The following KLHL36 variants were observed in gnomAD, a reference collection of about 807,000 sequenced individuals.
The protein encoded by KLHL36 is kelch like family member 36, also known as kelch-like protein 36.
A neutral mutation model predicts 53.3 loss-of-function variants in KLHL36; 35 were observed. The observed-to-expected ratio is 0.66, with a 90% CI of 0.50 to 0.87. KLHL36 has a LOEUF of 0.87. Among genes scored for constraint, KLHL36 ranks in the 40% least tolerant of loss-of-function variants. The pLI, the probability that KLHL36 is intolerant of heterozygous loss-of-function variation, is 0.00. For synonymous variants in KLHL36, 472 were observed against 398.9 expected (o/e 1.18, Z -2.18); for missense variants, 864 against 897.6 (o/e 0.96, Z 0.48).
chr16:84,663,592 T>G lies in KLHL36; in HGVS notation c.*1459T>G, dbSNP rs932032338. On this transcript the variant is annotated 3_prime_UTR_variant, in exon 5 of 5. Transcript: ENST00000564996. ...AGATGTGCTTCATCTTCAATCCTAG[T>G]CTAACACCAGTCTTCCTGCAGACAG... 3 of 152,056 alleles carry G rather than the reference T, an allele frequency of 2.0e-5. No individual in the cohort carries two copies. Among genetic ancestry groups the G allele is most frequent in the African/African-American group, 7.2e-5 (3 of 41,388 alleles). The allele number at this position is 152,056 out of a possible 1,614,324, so 9.4% of individuals were successfully genotyped here.
At position 84,657,742 on chromosome 16, in the gene KLHL36, G is replaced by C; in HGVS notation, c.935G>C (p.Ser312Thr). The C allele has an allele frequency of 1.9e-6, 3 of 1,612,352 alleles. No homozygotes were observed. The highest frequency in any genetic ancestry group is 1.7e-6 in the Non-Finnish European group (2 of 1,179,650). Residue 312 changes from serine (S) to threonine (T), a missense_variant, in exon 3 of 5, where the codon AGT becomes ACT. Physicochemically the swap from Ser to Thr is moderately conservative, Grantham distance 58. Coordinates refer to ENST00000564996, the MANE Select transcript of KLHL36 (RefSeq NM_024731.4). ...GTCTCCGAGCGGTGTCTGGAGCTCA[G>C]TGACGACACCTGCTACCTGGACGCC... is the stretch of plus-strand genomic sequence containing the variant. ...GEVSERCLEL[S>T]DDTCYLDAKS...
intron 2 of KLHL36, among the ~76,000 whole-genome samples, chr16:84,654,081 C>T (rs1033860749): frequency 6.6e-6 from 1 of 152,116 alleles, no homozygotes; most frequent in Non-Finnish European, 1.5e-5. Flanking sequence ...CAGTCCTGCC[C>T]CCTGGGCTCT....
intron 2 of KLHL36, among the ~76,000 whole-genome samples, chr16:84,654,984 T>C (rs1907116904): frequency 6.6e-6 from 1 of 152,212 alleles, no homozygotes; most frequent in Non-Finnish European, 1.5e-5. Context: ...AGCAAGACCC[T>C]GTTTCTAAAA....
rs769399606 is a variant in KLHL36 at position 84,661,774 on chromosome 16, A to G, written c.1492A>G (p.Ile498Val). ...CAGCCTGGGTGACAGCATCTACTCC[A>G]TCGGGGGCAGCGATGACAACATCGA... ...MCSLGDSIYS[I>V]GGSDDNIESM... The change falls in exon 5 of 5, where the codon ATC becomes GTC. Residue 498 changes from isoleucine to valine, a missense_variant. Ile to Val is a conservative substitution (Grantham distance 29). Transcript: ENST00000564996. This position sits in a 1 kb window ranked among gnomAD's most constrained non-coding sequence, Gnocchi z 7.9. 1.9e-6 allele frequency: 3 copies of G among 1,612,794 alleles called. No homozygotes were observed. Among genetic ancestry groups the G allele is most frequent in the Non-Finnish European group, 2.5e-6 (3 of 1,179,422 alleles).
intron 2 of KLHL36, among the ~76,000 whole-genome samples, chr16:84,655,244 A>T (rs1907132341): frequency 6.6e-6 from 1 of 152,224 alleles, no homozygotes. Flanking sequence ...AATTGACTGG[A>T]TGTGGAAATA....
At position 84,650,875 on chromosome 16, in the gene KLHL36, A is replaced by C; in HGVS notation, c.8A>C (p.Glu3Ala). MM[E>A]GSRQTRVSRP... is the part of the protein sequence containing the mutation. ...AGGGCTGAAATCTCTTTAATGATGGAGGGAAGCAGGCAGACGCGAGTGTCT... is the reference window on the plus strand; with the variant it reads ...AGGGCTGAAATCTCTTTAATGATGGCGGGAAGCAGGCAGACGCGAGTGTCT... The change falls in exon 2 of 5, where the codon GAG becomes GCG. Residue 3 changes from glutamate (E) to alanine (A), a missense_variant. Glu to Ala is a moderately radical substitution (Grantham distance 107). Transcript: ENST00000564996. 2.5e-6 allele frequency: 4 copies of C among 1,611,564 alleles called. No homozygotes were observed. Among genetic ancestry groups the C allele is most frequent in the Non-Finnish European group, 3.4e-6 (4 of 1,179,318 alleles).
chr16:84,650,151 C>T (rs1906765941), intron 1 of KLHL36, among the ~76,000 whole-genome samples: 1 of 152,190 alleles, frequency 6.6e-6, no homozygotes, highest in South Asian at 2.1e-4. Context: ...CAGCATCCTC[C>T]AGTCACAGTG....
rs908511340 is a variant in KLHL36 at position 84,660,325 on chromosome 16, C to T, written c.1295+408C>T. On this transcript the variant is annotated intron_variant, in intron 4 of 4. Transcript: ENST00000564996. ...TTAGTTCCTCATCTGTAGAGGTAGA[C>T]GATAATGATACCCACCCCACAGCAC... Among the ~76,000 whole-genome samples the T allele has an allele frequency of 4.6e-5, 7 of 152,114 alleles. No homozygotes were observed. In the East Asian group the frequency reaches 9.6e-4, roughly 21 times the overall value.
Position 84,664,220 on chromosome 16 carries a change from C to T in KLHL36, c.*2087C>T, listed in dbSNP as rs1315753221. 1.3e-5 allele frequency: 2 copies of T among 152,166 alleles called. No homozygotes were observed. The highest frequency in any genetic ancestry group is 4.8e-5 in the African/African-American group (2 of 41,440). The allele number at this position is 152,166 out of a possible 1,614,324, so 9.4% of individuals were successfully genotyped here. Reference sequence around the variant, plus strand: ...AAGGTTTTATTGCTTGTAGACCCCTCAGAAGGCAGGGTAGGGTGTACGTGG... The same window carrying T: ...AAGGTTTTATTGCTTGTAGACCCCTTAGAAGGCAGGGTAGGGTGTACGTGG... On this transcript the variant is annotated 3_prime_UTR_variant, in exon 5 of 5. Coordinates refer to ENST00000564996, the MANE Select transcript of KLHL36 (RefSeq NM_024731.4).
In KLHL36 at chr16:84,659,762, G is replaced by T. The variant is rs372475963; in HGVS notation, c.1140G>T (p.Val380=). Residue 380 remains valine, a splice_region_variant and synonymous_variant, in exon 4 of 5, where the codon GTG becomes GTT. Transcript: ENST00000564996. ...YDPRCKQWIK[V]ASMNQRRVDF... ...GTACAGGTATCTCAACTCCACAGGT[G>T]GCCTCCATGAACCAGCGCCGTGTGG... The T allele has an allele frequency of 5.0e-6, 8 of 1,614,046 alleles. No individual in the cohort carries two copies. The highest frequency in any genetic ancestry group is 4.4e-5 in the South Asian group (4 of 91,078).
At chr16:84,659,458 G>C (rs1366128129) in intron 3 of KLHL36, 2 of 332,802 alleles carry the variant, frequency 6.0e-6, no homozygotes, top group Admixed American at 4.4e-5. Flanking sequence ...TGTGACCACA[G>C]AGTTCCCATC....
In KLHL36 at chr16:84,650,902, G is replaced by A. The variant is rs748528804; in HGVS notation, c.35G>A (p.Arg12Gln). 2.6e-5 allele frequency: 42 copies of A among 1,610,828 alleles called. No individual in the cohort carries two copies. Among genetic ancestry groups the A allele is most frequent in the Non-Finnish European group, 3.3e-5 (39 of 1,179,254 alleles). Reference sequence around the variant, plus strand: ...GGAAGCAGGCAGACGCGAGTGTCTCGGCCATACAAGATCAGCGAATCATCA... The same window carrying A: ...GGAAGCAGGCAGACGCGAGTGTCTCAGCCATACAAGATCAGCGAATCATCA... ...MEGSRQTRVSRPYKISESSKV... is the reference protein window; with the variant it reads ...MEGSRQTRVSQPYKISESSKV... The change falls in exon 2 of 5, where the codon CGG becomes CAG. Residue 12 changes from arginine (R) to glutamine (Q), a missense_variant. Physicochemically the swap from Arg to Gln is conservative, Grantham distance 43 (BLOSUM62 1). Coordinates refer to ENST00000564996, the MANE Select transcript of KLHL36 (RefSeq NM_024731.4).
rs574385674 is a variant in KLHL36, at chr16:84,653,399, G to A, written c.63+2469G>A. 2.6e-5 allele frequency among the ~76,000 whole-genome samples: 4 copies of A among 152,262 alleles called. No homozygotes were observed. In the East Asian group the frequency reaches 7.7e-4, roughly 29 times the overall value. ...GAAATGAACAAGACTCATATCATCA[G>A]AGAATGCTGTGGATTGGAGCTTCTA... On this transcript the variant is annotated intron_variant, in intron 2 of 4. Coordinates refer to ENST00000564996, the MANE Select transcript of KLHL36 (RefSeq NM_024731.4).
In KLHL36 at chr16:84,666,555, A is replaced by C. The variant is rs926884846; in HGVS notation, c.*4422A>C. ...GGCTGGTCCACGTCTCACCTTTGCCATACGGGTCATTTCTTGATCAAATAT... is the reference window on the plus strand; with the variant it reads ...GGCTGGTCCACGTCTCACCTTTGCCCTACGGGTCATTTCTTGATCAAATAT... On this transcript the variant is annotated 3_prime_UTR_variant, in exon 5 of 5. Coordinates refer to ENST00000564996, the MANE Select transcript of KLHL36 (RefSeq NM_024731.4). 6.6e-6 allele frequency: 1 copy of C among 152,198 alleles called. No individual in the cohort carries two copies. The highest frequency in any genetic ancestry group is 1.5e-5 in the Non-Finnish European group (1 of 68,044). 9.4% of individuals were successfully genotyped at this position (152,198 alleles called of 1,614,324 possible).
intron 4 of KLHL36, 130 bp downstream of exon 4, chr16:84,660,047 A>G: frequency 1.0e-6 from 1 of 952,842 alleles, no homozygotes; most frequent in Non-Finnish European, 1.6e-6. Context: ...CTTGTCAGGA[A>G]GAGTGGGTAC....
Position 84,663,959 on chromosome 16 carries a change from A to G in KLHL36, c.*1826A>G, listed in dbSNP as rs1168028701. On this transcript the variant is annotated 3_prime_UTR_variant, in exon 5 of 5. Transcript: ENST00000564996. ...CATGTGAAGTCCCTGGAGGCTTACAAACTGTTGAGAGGTTCTGCGAGGCAT... is the reference window on the plus strand; with the variant it reads ...CATGTGAAGTCCCTGGAGGCTTACAGACTGTTGAGAGGTTCTGCGAGGCAT... 3.3e-5 allele frequency: 5 copies of G among 152,176 alleles called. No individual in the cohort carries two copies. The highest frequency in any genetic ancestry group is 1.2e-4 in the African/African-American group (5 of 41,460). The allele number at this position is 152,176 out of a possible 1,614,324, so 9.4% of individuals were successfully genotyped here. A position where few individuals can be genotyped will look rare whatever the true frequency, so the allele number is the denominator to read the frequency against.
chr16:84,660,460 A>G (rs1218382468), intron 4 of KLHL36, among the ~76,000 whole-genome samples: 2 of 152,130 alleles, frequency 1.3e-5, no homozygotes, highest in African/African-American at 2.4e-5. Context: ...TCCGATGTGC[A>G]TGTATCGAGC....
At position 84,648,846 on chromosome 16, in the gene KLHL36, T is replaced by G. The variant is rs1237892991; in HGVS notation, c.-17+197T>G. 1 of 150,384 alleles carries G rather than the reference T, an allele frequency of 6.6e-6. No homozygotes were observed. Among genetic ancestry groups the G allele is most frequent in the Non-Finnish European group, 1.5e-5 (1 of 67,524 alleles). 9.3% of individuals were successfully genotyped at this position (150,384 alleles called of 1,614,324 possible). The stretch of plus-strand genomic sequence containing the variant: ...GGGGAGGGGCCGCCGCCCCCGCAGG[T>G]GACACAGGTGCGGCCTGTGCGGACC... On this transcript the variant is annotated intron_variant, in intron 1 of 4. Coordinates refer to ENST00000564996, the MANE Select transcript of KLHL36 (RefSeq NM_024731.4). This position sits in a 1 kb window ranked among gnomAD's most constrained non-coding sequence, Gnocchi z 4.9.
In KLHL36 at chr16:84,648,658, C is replaced by A; in HGVS notation, c.-17+9C>A. On this transcript the variant is annotated intron_variant, in intron 1 of 4. Transcript: ENST00000564996. This position sits in a 1 kb window ranked among gnomAD's most constrained non-coding sequence, Gnocchi z 4.9. ...GTAGCGCGTCCTGCCAGGTGGGCCT[C>A]CGCGCGCGCCCACCCTCCAGCCCGG... The A allele has an allele frequency of 6.7e-6, 1 of 148,198 alleles. No individual in the cohort carries two copies. Among genetic ancestry groups the A allele is most frequent in the South Asian group, 1.9e-4 (1 of 5,394 alleles). 9.2% of individuals were successfully genotyped at this position (148,198 alleles called of 1,614,324 possible). A position where few individuals can be genotyped will look rare whatever the true frequency, so the allele number is the denominator to read the frequency against.
Sources: allele counts gnomAD v4.1 joint callset (sites outside exome capture counted in the v4.1 genomes callset), GRCh38; gene constraint gnomAD v4.1.1; non-coding constraint Gnocchi (gnomAD v3.1); transcripts MANE v1.5; gene names NCBI Gene and HGNC (gene_info 2026-07-23, HGNC 2026-07-21).